DNAJB1: variants seen among roughly 807,000 people sequenced by gnomAD.
The protein encoded by DNAJB1 is dnaJ homolog subfamily B member 1.
A neutral mutation model predicts 24.0 loss-of-function variants in DNAJB1; 14 were observed. That is an observed-to-expected ratio of 0.58 (90% confidence interval 0.39 to 0.91). The LOEUF (loss-of-function observed/expected upper bound fraction) is 0.91, where lower values mean the gene tolerates loss of function less well. DNAJB1 is among the 40% of genes least tolerant of loss of function. The pLI, the probability that DNAJB1 is intolerant of heterozygous loss-of-function variation, is 0.00. For missense variants in DNAJB1, 517 were observed against 458.1 expected (o/e 1.13, Z -1.17); for synonymous variants, 262 against 174.4 (o/e 1.50, Z -3.96).
At chr19:14,516,396 C>A (rs1401105727) in intron 2 of DNAJB1, 70 bp downstream of exon 2, 8 of 1,514,048 alleles carry the variant, frequency 5.3e-6, no homozygotes, top group Non-Finnish European at 7.2e-6. Context: ...CACATTGGTT[C>A]AGCAAATACT....
intron 1 of DNAJB1, among the ~76,000 whole-genome samples, chr19:14,559,289 T>C: frequency 6.6e-6 from 1 of 152,046 alleles, no homozygotes; most frequent in East Asian, 1.9e-4. Flanking sequence ...CCCAGAACAT[T>C]TTCCTCACTC....
chr19:14,550,787 T>A (rs2073472747), upstream of DNAJB1, among the ~76,000 whole-genome samples: 3 of 152,038 alleles, frequency 2.0e-5, no homozygotes, highest in South Asian at 6.3e-4. Flanking sequence ...TTCATGCGAT[T>A]CTCCTGTCTC....
At chr19:14,521,456 A>AAATAATAAT (rs111596555), upstream of DNAJB1, among the ~76,000 whole-genome samples, 10,139 of 142,978 alleles carry the variant, frequency 0.071, 427 homozygotes, top group Admixed American at 0.087. Context: ...GAGAGTTTCA[A>AAATAATAAT]AATAATAATA....
intron 1 of DNAJB1, chr19:14,545,781 C>T (rs1217464729): frequency 2.0e-5 from 3 of 153,242 alleles, no homozygotes; most frequent in African/African-American, 7.2e-5. Flanking sequence ...ACAAGTACAT[C>T]CCTGCTGTGC....
intron 1 of DNAJB1, among the ~76,000 whole-genome samples, chr19:14,549,908 G>A (rs969057708): frequency 2.1e-4 from 31 of 151,002 alleles, no homozygotes; most frequent in Admixed American, 1.8e-3. Context: ...GTGCCACTGC[G>A]CTCCAGCCTG....
intron 1 of DNAJB1, among the ~76,000 whole-genome samples, chr19:14,542,679 T>G (rs2073144857): frequency 6.6e-6 from 1 of 152,160 alleles, no homozygotes. Context: ...GTGTTTGTAA[T>G]AAAAATGCAC....
chr19:14,553,929 A>G (rs1599472347), upstream of DNAJB1, among the ~76,000 whole-genome samples: 1 of 151,860 alleles, frequency 6.6e-6, no homozygotes, highest in African/African-American at 2.4e-5. Flanking sequence ...CAGGGCTCGC[A>G]CCCCCAGCCA....
intron 1 of DNAJB1, chr19:14,517,589 A>AC (rs2072293780): frequency 6.5e-6 from 1 of 153,980 alleles, no homozygotes; most frequent in Non-Finnish European, 1.4e-5. Context: ...TGCTCTCCTT[A>AC]CCCTCCGAGG....
At chr19:14,547,644 G>A (rs2073349611) in intron 1 of DNAJB1, among the ~76,000 whole-genome samples, 2 of 149,618 alleles carry the variant, frequency 1.3e-5, no homozygotes, top group South Asian at 2.1e-4. Flanking sequence ...TTACAGGTGT[G>A]AGCCACTGTA....
upstream of DNAJB1, among the ~76,000 whole-genome samples, chr19:14,553,629 A>G (rs2146608193): frequency 6.6e-6 from 1 of 152,216 alleles, no homozygotes; most frequent in South Asian, 2.1e-4. Context: ...GGAAGTGGGA[A>G]GGAAAGGGAG....
chr19:14,542,363 T>G (rs1599434619), intron 1 of DNAJB1, among the ~76,000 whole-genome samples: 1 of 130,562 alleles, frequency 7.7e-6, no homozygotes, highest in South Asian at 2.6e-4. Context: ...TTTTTTTTTT[T>G]TTTTTTTTTT....
chr19:14,551,451 C>G (rs2073501533), upstream of DNAJB1, among the ~76,000 whole-genome samples: 1 of 152,090 alleles, frequency 6.6e-6, no homozygotes, highest in Non-Finnish European at 1.5e-5. Context: ...CCTAAGCAGT[C>G]CCTGTGTTAG....
exon 1 of DNAJB1, among the ~76,000 whole-genome samples, chr19:14,550,286 G>A (rs1408969966): frequency 1.3e-5 from 2 of 152,118 alleles, no homozygotes; most frequent in African/African-American, 4.8e-5. Context: ...GGTTGTGAGT[G>A]GGCGGGTGGT....
upstream of DNAJB1, among the ~76,000 whole-genome samples, chr19:14,521,611 T>C (rs1599384569): frequency 6.6e-6 from 1 of 152,112 alleles, no homozygotes; most frequent in African/African-American, 2.4e-5. Context: ...GCCTGGGTCA[T>C]GTTCAGGAAG....
upstream of DNAJB1, chr19:14,530,627 G>A (rs755609967): frequency 1.3e-5 from 2 of 152,064 alleles, no homozygotes; most frequent in Non-Finnish European, 2.9e-5. Context: ...TTGTTCAAAG[G>A]CCCCTAGTTA....
chr19:14,516,373 CCA>C, intron 2 of DNAJB1, 91 bp downstream of exon 2: 1 of 1,423,990 alleles, frequency 7.0e-7, no homozygotes, highest in Non-Finnish European at 9.6e-7. Flanking sequence ...CTGGCACGCA[CCA>C]CACACCCCAA....
intron 1 of DNAJB1, 91 bp downstream of exon 1, chr19:14,518,048 C>T: frequency 7.6e-7 from 1 of 1,315,126 alleles, no homozygotes; most frequent in African/African-American, 1.6e-5. Flanking sequence ...CCCGGGGCGT[C>T]CTTCCCGGGG....
chr19:14,518,059 G>T lies in DNAJB1; in HGVS notation c.211+80C>A, dbSNP rs567258180. On this transcript the variant is annotated intron_variant, in intron 1 of 2. Transcript: ENST00000254322. ...ACGGCCCGGGGCGTCCTTCCCGGGG[G>T]GCCGCCGAGAGGGGCCAGCGTGCCT... 1.3e-3 allele frequency: 1,699 copies of T among 1,335,136 alleles called. 10 individuals are homozygous for T. In the Middle Eastern group the frequency reaches 0.02, roughly 16 times the overall value. The allele number at this position is 1,335,136 out of a possible 1,614,324, so 82.7% of individuals were successfully genotyped here. A position where few individuals can be genotyped will look rare whatever the true frequency, so the allele number is the denominator to read the frequency against.
chr19:14,558,342 T>C (rs1176476388), intron 1 of DNAJB1, among the ~76,000 whole-genome samples: 1 of 152,150 alleles, frequency 6.6e-6, no homozygotes, highest in Non-Finnish European at 1.5e-5. Flanking sequence ...ACAAAGACAG[T>C]GAAGACGGGC....
Sources: allele counts gnomAD v4.1 joint callset (sites outside exome capture counted in the v4.1 genomes callset), GRCh38; gene constraint gnomAD v4.1.1; transcripts MANE v1.5; gene names NCBI Gene and HGNC (gene_info 2026-07-23, HGNC 2026-07-21).